The following PDCD6IP variants were observed in gnomAD, a reference collection of about 807,000 sequenced individuals.
The protein encoded by PDCD6IP is programmed cell death 6 interacting protein.
Under a neutral mutation model 103.7 loss-of-function variants are expected in PDCD6IP, and 43 were observed. The observed-to-expected ratio is 0.41, with a 90% CI of 0.32 to 0.53. The LOEUF is 0.53. PDCD6IP is among the 20% of genes least tolerant of loss of function. The pLI, the probability that PDCD6IP is intolerant of heterozygous loss-of-function variation, is 0.16. For missense variants in PDCD6IP, 871 were observed against 1,036.7 expected (o/e 0.84, Z 2.20); for synonymous variants, 354 against 378.7 (o/e 0.93, Z 0.76).
intron 6 of PDCD6IP, among the ~76,000 whole-genome samples, chr3:33,828,232 G>A (rs1237330774): frequency 6.6e-6 from 1 of 152,062 alleles, no homozygotes; most frequent in Non-Finnish European, 1.5e-5. Flanking sequence ...TAGTGCATTT[G>A]TCTATGATAT....
chr3:33,835,073 G>C (rs1285027144), intron 7 of PDCD6IP, among the ~76,000 whole-genome samples: 3 of 152,028 alleles, frequency 2.0e-5, no homozygotes, highest in Non-Finnish European at 4.4e-5. Context: ...AATATTAAAA[G>C]ATTATGTATT....
At chr3:33,822,175 G>A (rs749619521) in intron 4 of PDCD6IP, 93 bp downstream of exon 4, 8 of 1,276,224 alleles carry the variant, frequency 6.3e-6, no homozygotes, top group East Asian at 2.3e-5. Context: ...TACTTCTTAC[G>A]CAACAGATGT....
intron 15 of PDCD6IP, among the ~76,000 whole-genome samples, chr3:33,859,439 T>C (rs756341104): frequency 1.3e-5 from 2 of 152,032 alleles, no homozygotes; most frequent in African/African-American, 2.4e-5. Context: ...TTGAAACTTA[T>C]TCACAGGCAA....
At chr3:33,830,013 A>G (rs980615257) in intron 7 of PDCD6IP, among the ~76,000 whole-genome samples, 21 of 152,298 alleles carry the variant, frequency 1.4e-4, no homozygotes, top group African/African-American at 4.8e-4. Context: ...ACATTAATCT[A>G]TTCATGAGGG....
In PDCD6IP at chr3:33,831,814, G is replaced by A. The variant is rs78975232; in HGVS notation, c.834+2845G>A. On this transcript the variant is annotated intron_variant, in intron 7 of 17. Coordinates refer to ENST00000307296, the MANE Select transcript of PDCD6IP (RefSeq NM_013374.6). ...ATTCTCACTTGTCATTCTTACTGAA[G>A]TGGTAGTATGCTATTAATATATACA... Among the ~76,000 whole-genome samples the A allele has an allele frequency of 0.013, 1,961 of 151,984 alleles. 110 individuals carry two copies. In the East Asian group the frequency reaches 0.14, roughly 11 times the overall value.
At chr3:33,843,741 G>A (rs1326825878) in intron 10 of PDCD6IP, among the ~76,000 whole-genome samples, 2 of 152,088 alleles carry the variant, frequency 1.3e-5, no homozygotes, top group East Asian at 1.9e-4. Context: ...GTATTGGAAT[G>A]AAAGTCTAAA....
chr3:33,849,803 C>G (rs547846436), intron 12 of PDCD6IP, among the ~76,000 whole-genome samples: 1 of 152,322 alleles, frequency 6.6e-6, no homozygotes, highest in South Asian at 2.1e-4. Context: ...GCCTTATAAT[C>G]TGAAATATGT....
Position 33,824,018 on chromosome 3 carries a change from C to T in PDCD6IP, c.463-1169C>T, listed in dbSNP as rs544032944. Reference sequence around the variant, plus strand: ...TGCTTGCCACCCAGAAGCTTTGTGCCGTTGGGCAAGTTCTTTAACCTCTCT... The same window carrying T: ...TGCTTGCCACCCAGAAGCTTTGTGCTGTTGGGCAAGTTCTTTAACCTCTCT... On this transcript the variant is annotated intron_variant, in intron 4 of 17. Transcript: ENST00000307296. Among the ~76,000 whole-genome samples, 49 of 152,108 alleles carry T rather than the reference C, an allele frequency of 3.2e-4. 1 individual carries two copies. The South Asian group carries it at 7.5e-3, about 23-fold the overall frequency.
At chr3:33,830,339 A>G (rs926446426) in intron 7 of PDCD6IP, among the ~76,000 whole-genome samples, 19 of 152,306 alleles carry the variant, frequency 1.2e-4, no homozygotes, top group African/African-American at 4.6e-4. Context: ...TAGCATATTT[A>G]AATTGTAAGT....
chr3:33,830,376 G>A (rs9818273), intron 7 of PDCD6IP, among the ~76,000 whole-genome samples: 2 of 151,768 alleles, frequency 1.3e-5, no homozygotes, highest in African/African-American at 4.8e-5. Context: ...CTGGTTTCTG[G>A]GACTATTAGA....
rs769291248 is a variant in PDCD6IP, at chr3:33,866,322, A to G, written c.2433-29A>G. On this transcript the variant is annotated intron_variant, in intron 17 of 17. Coordinates refer to ENST00000307296, the MANE Select transcript of PDCD6IP (RefSeq NM_013374.6). ...TTATTTTTTAGTATTTGATTTACCAATCAAGATTTTTCTGTTTTCTTCTAT... is the reference window on the plus strand; with the variant it reads ...TTATTTTTTAGTATTTGATTTACCAGTCAAGATTTTTCTGTTTTCTTCTAT... 15 of 1,353,968 alleles carry G rather than the reference A, an allele frequency of 1.1e-5. No individual in the cohort carries two copies. The highest frequency in any genetic ancestry group is 5.4e-5 in the Admixed American group (2 of 37,056). The allele number at this position is 1,353,968 out of a possible 1,614,324, so 83.9% of individuals were successfully genotyped here. A position where few individuals can be genotyped will look rare whatever the true frequency, so the allele number is the denominator to read the frequency against.
chr3:33,845,611 G>T (rs1697575823), intron 12 of PDCD6IP, 23 bp downstream of exon 12: 37 of 1,541,026 alleles, frequency 2.4e-5, no homozygotes, highest in Non-Finnish European at 3.3e-5. Flanking sequence ...CTTTGATGTA[G>T]GTTGTCATCT....
chr3:33,836,248 A>G lies in PDCD6IP; in HGVS notation c.1039A>G (p.Ile347Val). 6.2e-7 allele frequency: 1 copy of G among 1,602,246 alleles called. No individual in the cohort carries two copies. Among genetic ancestry groups the G allele is most frequent in the African/African-American group, 1.3e-5 (1 of 74,828 alleles). ...LVKSTPVNVPISQKFTDLFEK... is the reference protein window; with the variant it reads ...LVKSTPVNVPVSQKFTDLFEK... ...GAAATCTACCCCGGTCAATGTACCCATCAGTCAGAAATTTACTGGTATGTC... is the reference window on the plus strand; with the variant it reads ...GAAATCTACCCCGGTCAATGTACCCGTCAGTCAGAAATTTACTGGTATGTC... Residue 347 changes from isoleucine to valine, a missense_variant, in exon 8 of 18, where the codon ATC becomes GTC. Around this residue, in one of 5 missense-constraint regions of PDCD6IP, gnomAD observed 242 missense variants for 250.7 expected, o/e 0.97. Transcript: ENST00000307296.
intron 6 of PDCD6IP, 38 bp downstream of exon 6, chr3:33,826,618 A>T (rs778065164): frequency 2.5e-6 from 4 of 1,607,722 alleles, no homozygotes; most frequent in African/African-American, 2.7e-5. Context: ...CTTACTTTGC[A>T]TGTGAAATAT....
chr3:33,850,740 T>C lies in PDCD6IP; in HGVS notation c.1642-1748T>C, dbSNP rs575223243. On this transcript the variant is annotated intron_variant, in intron 12 of 17. Transcript: ENST00000307296. ...CTGATATCAAGTTCTGCTAGGTCTT[T>C]AAACAGACTTTGTCATATCCACCCA... is the stretch of plus-strand genomic sequence containing the variant. Among the ~76,000 whole-genome samples the C allele has an allele frequency of 5.3e-5, 8 of 152,282 alleles. No individual in the cohort carries two copies. In the East Asian group the frequency reaches 1.5e-3, roughly 29 times the overall value.
chr3:33,812,988 A>T (rs565211708), intron 2 of PDCD6IP, among the ~76,000 whole-genome samples: 5 of 152,302 alleles, frequency 3.3e-5, no homozygotes, highest in South Asian at 2.1e-4. Context: ...TTTGTATGTG[A>T]TAATACATAT....
rs1049937018 is a variant in PDCD6IP, at chr3:33,862,228, TAAG to T, written c.2121-1774_2121-1772del. Among the ~76,000 whole-genome samples, 12 of 152,106 alleles carry T rather than the reference TAAG, an allele frequency of 7.9e-5. No individual in the cohort carries two copies. In the East Asian group the frequency reaches 1.3e-3, roughly 17 times the overall value. ...TTTATTTTATAAGCAGTTATTTACT[TAAG>T]AAGTAGTTTTGTTTTTTTTTTTTGA... On this transcript the variant is annotated intron_variant, in intron 15 of 17. Transcript: ENST00000307296.
At chr3:33,863,429 C>T (rs184963058) in intron 15 of PDCD6IP, among the ~76,000 whole-genome samples, 339 of 152,270 alleles carry the variant, frequency 2.2e-3, no homozygotes, top group South Asian at 5.4e-3. Context: ...TTCATCCCCA[C>T]CCCCTACTCT....
intron 5 of PDCD6IP, among the ~76,000 whole-genome samples, chr3:33,825,628 C>T (rs990442129): frequency 2.0e-5 from 3 of 152,066 alleles, no homozygotes; most frequent in East Asian, 3.8e-4. Context: ...CATTTATTCG[C>T]AAATATTTAT....
Sources: gnomAD v4.1 joint callset for allele counts (sites outside exome capture counted in the v4.1 genomes callset) on GRCh38, gnomAD v4.1.1 for gene constraint, gnomAD v4.1.1 regional missense constraint, MANE v1.5 for transcripts, NCBI Gene and HGNC (gene_info 2026-07-23, HGNC 2026-07-21) for gene names.